The following HYCC1 variants were observed in gnomAD, a reference collection of about 807,000 sequenced individuals.
HYCC1 encodes hyccin.
At chr7:22,983,641 ATAGCC>A in the HYCC1 span, 1 of 334,056 alleles carries the variant, frequency 3.0e-6, no homozygotes, top group Admixed American at 4.3e-5. Context: ...ACTGCCTAGC[ATAGCC>A]GATGGCTCAT....
chr7:22,989,014 G>C, the HYCC1 span, among the ~76,000 whole-genome samples: 1 of 152,026 alleles, frequency 6.6e-6, no homozygotes, highest in Non-Finnish European at 1.5e-5. Context: ...AGATGGAAAG[G>C]GAAGGAGATC....
the HYCC1 span, among the ~76,000 whole-genome samples, chr7:22,898,604 CTT>C: frequency 1.0e-4 from 4 of 39,792 alleles, no homozygotes; most frequent in Non-Finnish European, 2.5e-4. Flanking sequence ...CTTTTCTTTT[CTT>C]TTTTTTTTTT....
chr7:23,009,435 T>A, the HYCC1 span, among the ~76,000 whole-genome samples: 2 of 152,146 alleles, frequency 1.3e-5, no homozygotes, highest in African/African-American at 4.8e-5. Context: ...TTTATCACAA[T>A]GAAAGAAATT....
At chr7:22,927,451 G>C in the HYCC1 span, among the ~76,000 whole-genome samples, 3 of 152,042 alleles carry the variant, frequency 2.0e-5, no homozygotes, top group Admixed American at 2.0e-4. Context: ...GACTAATAAA[G>C]AAGAAAAGAG....
chr7:22,963,098 A>C, the HYCC1 span, among the ~76,000 whole-genome samples: 2 of 152,130 alleles, frequency 1.3e-5, no homozygotes, highest in Non-Finnish European at 2.9e-5. Context: ...TTCCTGTCAT[A>C]AATAATATTT....
chr7:22,990,116 T>C, the HYCC1 span, among the ~76,000 whole-genome samples: 1 of 152,222 alleles, frequency 6.6e-6, no homozygotes, highest in Admixed American at 6.5e-5. Flanking sequence ...ATTTCAAATC[T>C]ACATTAACTT....
chr7:22,911,435 G>A, the HYCC1 span, among the ~76,000 whole-genome samples: 1 of 152,178 alleles, frequency 6.6e-6, no homozygotes, highest in Non-Finnish European at 1.5e-5. Flanking sequence ...AGTCCCTAGA[G>A]ACAAATAATT....
chr7:22,924,614 A>G, the HYCC1 span, among the ~76,000 whole-genome samples: 2 of 152,222 alleles, frequency 1.3e-5, no homozygotes, highest in Admixed American at 6.5e-5. Context: ...TCAAACTGCA[A>G]GGCGGCAGCA....
At chr7:22,905,386 ATTTTTTT>A in the HYCC1 span, among the ~76,000 whole-genome samples, 9 of 44,470 alleles carry the variant, frequency 2.0e-4, no homozygotes, top group African/African-American at 4.6e-4. Context: ...CTAATTTTGT[ATTTTTTT>A]TTTTTTTTTT....
chr7:22,975,633 T>C, the HYCC1 span, among the ~76,000 whole-genome samples: 1 of 152,220 alleles, frequency 6.6e-6, no homozygotes, highest in Non-Finnish European at 1.5e-5. Context: ...AGCTATATAC[T>C]ATAATCCTTT....
chr7:22,914,904 A>T, the HYCC1 span, among the ~76,000 whole-genome samples: 2 of 152,166 alleles, frequency 1.3e-5, no homozygotes, highest in African/African-American at 2.4e-5. Flanking sequence ...TCGTTCCGTG[A>T]CTAGCCCTCT....
chr7:22,997,625 CCAAT>C, the HYCC1 span, among the ~76,000 whole-genome samples: 1 of 152,080 alleles, frequency 6.6e-6, no homozygotes, highest in Non-Finnish European at 1.5e-5. Context: ...TAGAAACTGA[CCAAT>C]CAATTGTGAA....
At chr7:22,976,770 T>A in the HYCC1 span, 6 of 1,613,466 alleles carry the variant, frequency 3.7e-6, no homozygotes, top group Middle Eastern at 3.3e-4. Flanking sequence ...GCTGGGATAG[T>A]GCACTCTCAG....
the HYCC1 span, chr7:22,946,121 G>A: frequency 1.2e-6 from 2 of 1,613,054 alleles, no homozygotes; most frequent in Non-Finnish European, 1.7e-6. Context: ...GTCAACTTCA[G>A]ATATCTCCAT....
At chr7:22,991,339 A>G in the HYCC1 span, among the ~76,000 whole-genome samples, 35 of 152,304 alleles carry the variant, frequency 2.3e-4, no homozygotes, top group African/African-American at 6.3e-4. Context: ...TATAAATATC[A>G]TAACATGATG....
At chr7:22,993,142 G>A in the HYCC1 span, among the ~76,000 whole-genome samples, 3 of 152,106 alleles carry the variant, frequency 2.0e-5, no homozygotes, top group Non-Finnish European at 2.9e-5. Flanking sequence ...AGGAAAGGAT[G>A]CTCTTTATAA....
the HYCC1 span, among the ~76,000 whole-genome samples, chr7:22,988,612 C>CACAT: frequency 6.6e-6 from 1 of 152,112 alleles, no homozygotes; most frequent in Non-Finnish European, 1.5e-5. Context: ...TATATGCATG[C>CACAT]ATACATGTAC....
At chr7:23,011,395 G>A in the HYCC1 span, among the ~76,000 whole-genome samples, 1 of 152,074 alleles carries the variant, frequency 6.6e-6, no homozygotes, top group South Asian at 2.1e-4. Context: ...AGCCAAAACA[G>A]AATTTATCAT....
the HYCC1 span, among the ~76,000 whole-genome samples, chr7:22,970,927 G>A: frequency 1.3e-5 from 2 of 152,168 alleles, no homozygotes; most frequent in Non-Finnish European, 2.9e-5. Context: ...AAGAGCAGCT[G>A]AGTGCCATAA....
Sources: gnomAD v4.1 joint callset for allele counts (sites outside exome capture counted in the v4.1 genomes callset) on GRCh38, gnomAD v4.1.1 for gene constraint, MANE v1.5 for transcripts, NCBI Gene and HGNC (gene_info 2026-07-23, HGNC 2026-07-21) for gene names.